RBM19: variants seen among roughly 807,000 people sequenced by gnomAD.
RBM19 encodes the protein probable RNA-binding protein 19.
RBM19 carries 94 observed loss-of-function variants against 116.8 expected under a neutral mutation model. The ratio of observed to expected loss-of-function variants is 0.80; its 90% confidence interval spans 0.68 to 0.95. RBM19 has a LOEUF of 0.95. Among genes scored for constraint, RBM19 ranks in the 40% least tolerant of loss-of-function variants. RBM19 has a pLI of 0.00. For synonymous variants in RBM19, 475 were observed against 494.1 expected, an observed-to-expected ratio of 0.96 and a Z score of 0.51; for missense variants, 1,161 against 1,220.7, an observed-to-expected ratio of 0.95 and a Z score of 0.73.
At chr12:113,882,938 T>C (rs1880250890) in intron 21 of RBM19, among the ~76,000 whole-genome samples, 2 of 152,174 alleles carry the variant, frequency 1.3e-5, no homozygotes, top group Admixed American at 6.5e-5. Flanking sequence ...GCCCTCTTTT[T>C]CCCAGGAGAG....
At chr12:113,916,567 C>T (rs1222098700) in intron 20 of RBM19, among the ~76,000 whole-genome samples, 1 of 152,146 alleles carries the variant, frequency 6.6e-6, no homozygotes, top group East Asian at 1.9e-4. Flanking sequence ...CAGCATACAG[C>T]AGAGGGATGG....
At chr12:113,936,656 G>A (rs1198606291) in intron 16 of RBM19, among the ~76,000 whole-genome samples, 1 of 152,214 alleles carries the variant, frequency 6.6e-6, no homozygotes, top group Non-Finnish European at 1.5e-5. Flanking sequence ...CCAAGGACAT[G>A]AGAATAAGTA....
At chr12:113,860,170 G>A (rs12297870) in intron 21 of RBM19, among the ~76,000 whole-genome samples, 36,464 of 152,128 alleles carry the variant, frequency 0.24, 4,616 homozygotes, top group Middle Eastern at 0.32. Context: ...CCAGCCTCCC[G>A]GGGAGGGGAA....
At chr12:113,902,510 G>T (rs574562767) in intron 21 of RBM19, among the ~76,000 whole-genome samples, 4 of 149,212 alleles carry the variant, frequency 2.7e-5, no homozygotes, top group Non-Finnish European at 5.9e-5. Context: ...GGGGAAGGAG[G>T]ATCCCTTGAG....
chr12:113,928,418 A>ACACACG (rs1491327713), intron 16 of RBM19, among the ~76,000 whole-genome samples: 2 of 2,592 alleles, frequency 7.7e-4, no homozygotes, highest in Non-Finnish European at 1.3e-3. Context: ...ACATGTGCAT[A>ACACACG]CACACACACA....
intron 22 of RBM19, among the ~76,000 whole-genome samples, chr12:113,855,662 G>T (rs1877838308): frequency 6.6e-6 from 1 of 152,116 alleles, no homozygotes; most frequent in Non-Finnish European, 1.5e-5. Context: ...GAGAGGCTGG[G>T]ATCATGGAGG....
intron 21 of RBM19, among the ~76,000 whole-genome samples, chr12:113,862,540 G>A (rs1304502892): frequency 6.6e-6 from 1 of 152,228 alleles, no homozygotes; most frequent in African/African-American, 2.4e-5. Context: ...CCATTATTAA[G>A]GTTCTTATCT....
At chr12:113,920,788 CTCT>C (rs1403167080) in intron 18 of RBM19, 98 bp from the exon 19 acceptor site, 7 of 1,054,864 alleles carry the variant, frequency 6.6e-6, no homozygotes, top group East Asian at 2.4e-5. Flanking sequence ...GCTGTATTTC[CTCT>C]TCTTTTCATA....
Position 113,945,927 on chromosome 12 carries a change from A to AAGAGGC in RBM19, c.1530-9_1530-4dup, listed in dbSNP as rs764506756. ...ATAGTGTGTTCCAGTTGTGAGAGCT[A>AAGAGGC]AGAGGCAGAGGCAGAACAGGGAGAT... is the stretch of plus-strand genomic sequence containing the variant. On this transcript the variant is annotated splice_polypyrimidine_tract_variant and splice_region_variant and intron_variant, in intron 12 of 23. Coordinates refer to ENST00000261741, the MANE Select transcript of RBM19 (RefSeq NM_016196.4). The AAGAGGC allele has an allele frequency of 2.6e-6, 4 of 1,558,940 alleles. No individual in the cohort carries two copies. The highest frequency in any genetic ancestry group is 3.5e-6 in the Non-Finnish European group (4 of 1,130,034).
intron 21 of RBM19, among the ~76,000 whole-genome samples, chr12:113,892,571 C>T (rs1881032816): frequency 6.6e-6 from 1 of 152,126 alleles, no homozygotes; most frequent in Non-Finnish European, 1.5e-5. Context: ...ATATAAAGTG[C>T]TGGGCAAAAA....
intron 21 of RBM19, 70 bp from the exon 22 acceptor site, chr12:113,858,966 T>G: frequency 7.4e-7 from 1 of 1,359,880 alleles, no homozygotes; most frequent in Non-Finnish European, 1.0e-6. Context: ...AAGGCAGGAC[T>G]GATTCTCACA....
rs778946696 is a variant in RBM19, at chr12:113,937,151, G to A, written c.1939-15C>T. Reference sequence around the variant, plus strand: ...ACATGATGGAACTGCAGAGACAAGAGTGATGGCCCTGTGGGTCTTCATTAC... The same window carrying A: ...ACATGATGGAACTGCAGAGACAAGAATGATGGCCCTGTGGGTCTTCATTAC... On this transcript the variant is annotated splice_polypyrimidine_tract_variant and intron_variant, in intron 15 of 23. Transcript: ENST00000261741. The A allele has an allele frequency of 1.2e-6, 2 of 1,613,824 alleles. No homozygotes were observed. Among genetic ancestry groups the A allele is most frequent in the East Asian group, 2.2e-5 (1 of 44,874 alleles).
chr12:113,841,368 T>C (rs893732458), intron 23 of RBM19, among the ~76,000 whole-genome samples: 1 of 152,092 alleles, frequency 6.6e-6, no homozygotes, highest in Non-Finnish European at 1.5e-5. Flanking sequence ...ATGAAGTCAG[T>C]GAACACTCAC....
At chr12:113,932,433 G>A (rs1869686718) in intron 16 of RBM19, 2 of 152,236 alleles carry the variant, frequency 1.3e-5, no homozygotes, top group African/African-American at 4.8e-5. Context: ...CTAACCCTGG[G>A]AGAGATAAGA....
At chr12:113,858,118 C>T (rs913064248) in intron 22 of RBM19, among the ~76,000 whole-genome samples, 2 of 152,254 alleles carry the variant, frequency 1.3e-5, no homozygotes, top group African/African-American at 4.8e-5. Context: ...CAGCCAGGCT[C>T]TTGTTCACAC....
At chr12:113,906,428 G>A (rs116686728) in intron 21 of RBM19, among the ~76,000 whole-genome samples, 3,712 of 152,212 alleles carry the variant, frequency 0.024, 146 homozygotes, top group African/African-American at 0.083. Flanking sequence ...TATGTTTTTC[G>A]AAGTTAAGAG....
intron 21 of RBM19, among the ~76,000 whole-genome samples, chr12:113,901,785 G>A (rs866309258): frequency 1.3e-5 from 2 of 152,104 alleles, no homozygotes; most frequent in African/African-American, 4.8e-5. Flanking sequence ...AAAGTGCTGG[G>A]ATTACAGGCG....
chr12:113,842,877 C>A (rs985186624), intron 23 of RBM19, among the ~76,000 whole-genome samples: 4 of 151,958 alleles, frequency 2.6e-5, no homozygotes, highest in Non-Finnish European at 5.9e-5. Context: ...GGCACAGAAT[C>A]CTGTCTGGAG....
At chr12:113,848,780 T>C (rs1374734817) in intron 22 of RBM19, among the ~76,000 whole-genome samples, 1 of 152,180 alleles carries the variant, frequency 6.6e-6, no homozygotes, top group Non-Finnish European at 1.5e-5. Context: ...GGCAAGATGC[T>C]CCTCTGCCAA....
Sources: allele counts gnomAD v4.1 joint callset (sites outside exome capture counted in the v4.1 genomes callset), GRCh38; gene constraint gnomAD v4.1.1; transcripts MANE v1.5; gene names NCBI Gene and HGNC (gene_info 2026-07-23, HGNC 2026-07-21).